Variants in CACNA1E observed in about 807,000 individuals in gnomAD.
CACNA1E encodes calcium voltage-gated channel subunit alpha1 E.
Under a neutral mutation model 259.2 loss-of-function variants are expected in CACNA1E, and 40 were observed. The observed-to-expected ratio is 0.15, with a 90% CI of 0.12 to 0.20. The LOEUF (loss-of-function observed/expected upper bound fraction) is 0.20, where lower values mean the gene tolerates loss of function less well. Ranked by LOEUF, CACNA1E falls within the 10% of genes least tolerant of loss-of-function variation. The pLI, the probability that CACNA1E is intolerant of heterozygous loss-of-function variation, is 1.00. For missense variants in CACNA1E, 1,874 were observed against 3,040.1 expected (o/e 0.62, Z 9.02); for synonymous variants, 1,104 against 1,138.5 (o/e 0.97, Z 0.61).
At chr1:181,686,989 T>C (rs1474132512) in intron 7 of CACNA1E, among the ~76,000 whole-genome samples, 3 of 152,188 alleles carry the variant, frequency 2.0e-5, no homozygotes, top group Admixed American at 6.5e-5. Flanking sequence ...TCTGTAGATA[T>C]TGTCTTTTGT....
rs116143573 is a variant in CACNA1E, at chr1:181,541,735, A to G, written c.512+30225A>G. ...TTGAGTCACACATTCTTCAAGGAGT[A>G]TTAGAGATCTTGTTTCTTCGTATAA... On this transcript the variant is annotated intron_variant, in intron 3 of 47. Transcript: ENST00000367573. Among the ~76,000 whole-genome samples the G allele has an allele frequency of 6.4e-3, 977 of 152,324 alleles. 15 individuals carry two copies. The highest frequency in any genetic ancestry group is 0.023 in the African/African-American group (939 of 41,574).
At chr1:181,602,436 A>G (rs1381325454) in intron 6 of CACNA1E, among the ~76,000 whole-genome samples, 2 of 152,150 alleles carry the variant, frequency 1.3e-5, no homozygotes, top group Non-Finnish European at 2.9e-5. Context: ...AAATGCTCCA[A>G]TGAGCATTTC....
intron 3 of CACNA1E, among the ~76,000 whole-genome samples, chr1:181,552,141 A>G (rs541521229): frequency 6.6e-6 from 1 of 152,200 alleles, no homozygotes; most frequent in Non-Finnish European, 1.5e-5. Flanking sequence ...AATGAACCAC[A>G]GTACTCGACT....
intron 1 of CACNA1E, 74 bp downstream of exon 1, chr1:181,484,084 G>A: frequency 7.0e-7 from 1 of 1,426,504 alleles, no homozygotes; most frequent in East Asian, 2.3e-5. Context: ...ACCTAGCATG[G>A]AATGTATCCC....
intron 1 of CACNA1E, among the ~76,000 whole-genome samples, chr1:181,492,809 T>G (rs1664430686): frequency 6.6e-6 from 1 of 152,242 alleles, no homozygotes; most frequent in Non-Finnish European, 1.5e-5. Flanking sequence ...TGCTCTTTTT[T>G]ACTCCCACTT....
At chr1:181,578,118 G>C (rs1466973853) in intron 4 of CACNA1E, among the ~76,000 whole-genome samples, 2 of 152,056 alleles carry the variant, frequency 1.3e-5, no homozygotes, top group Non-Finnish European at 2.9e-5. Flanking sequence ...AAAGAAAAGT[G>C]CTCTTTATCT....
chr1:181,567,614 A>G (rs909525481), intron 3 of CACNA1E, among the ~76,000 whole-genome samples: 14 of 152,206 alleles, frequency 9.2e-5, no homozygotes, highest in African/African-American at 3.4e-4. Context: ...TTCAGGTAGC[A>G]TAAGAGGGAA....
chr1:181,382,868 C>T (rs2102002764), intron 1 of CACNA1E, among the ~76,000 whole-genome samples: 1 of 152,180 alleles, frequency 6.6e-6, no homozygotes, highest in East Asian at 1.9e-4. Flanking sequence ...AATGGTGGTT[C>T]CTGTGTTGTA....
chr1:181,417,721 C>T (rs1658377888), intron 2 of CACNA1E, among the ~76,000 whole-genome samples: 1 of 152,196 alleles, frequency 6.6e-6, no homozygotes, highest in African/African-American at 2.4e-5. Context: ...ACTCTCAAAT[C>T]CCATCATTTC....
intron 1 of CACNA1E, among the ~76,000 whole-genome samples, chr1:181,358,756 A>G (rs1653640410): frequency 6.6e-6 from 1 of 152,240 alleles, no homozygotes; most frequent in African/African-American, 2.4e-5. Flanking sequence ...GCAGGCTTCT[A>G]TAAACTGTCC....
intron 1 of CACNA1E, among the ~76,000 whole-genome samples, chr1:181,502,534 G>T (rs975001347): frequency 5.9e-5 from 9 of 152,188 alleles, no homozygotes; most frequent in Admixed American, 5.9e-4. Flanking sequence ...CACCTGGGCA[G>T]GGTGGAGCGG....
At chr1:181,498,298 GA>G (rs1437910648) in intron 1 of CACNA1E, among the ~76,000 whole-genome samples, 1 of 152,194 alleles carries the variant, frequency 6.6e-6, no homozygotes, top group African/African-American at 2.4e-5. Flanking sequence ...TAGGTTTGTG[GA>G]AAAGGGCAGC....
chr1:181,502,526 C>T (rs1443222173), intron 1 of CACNA1E, among the ~76,000 whole-genome samples: 2 of 152,100 alleles, frequency 1.3e-5, no homozygotes, highest in Non-Finnish European at 2.9e-5. Flanking sequence ...GGCCCTCTCA[C>T]CTGGGCAGGG....
In CACNA1E at chr1:181,704,850, C is replaced by A. The variant is rs139353439; in HGVS notation, c.1056-6104C>A. On this transcript the variant is annotated intron_variant, in intron 7 of 47. Transcript: ENST00000367573. ...GCTAAAACATGAGTCAAGCAGTCCTCCAACCGAGGCTTTCTTACCCCAGCC... is the reference window on the plus strand; with the variant it reads ...GCTAAAACATGAGTCAAGCAGTCCTACAACCGAGGCTTTCTTACCCCAGCC... 2.3e-3 allele frequency among the ~76,000 whole-genome samples: 345 copies of A among 152,206 alleles called. 1 individual carries two copies. Among genetic ancestry groups the A allele is most frequent in the African/African-American group, 7.9e-3 (327 of 41,540 alleles).
intron 6 of CACNA1E, among the ~76,000 whole-genome samples, chr1:181,602,418 G>A (rs1653833539): frequency 6.6e-6 from 1 of 152,120 alleles, no homozygotes; most frequent in African/African-American, 2.4e-5. Flanking sequence ...CCAAAAATGT[G>A]AAATCTGAAA....
At chr1:181,739,477 AG>A (rs1275014692) in intron 25 of CACNA1E, among the ~76,000 whole-genome samples, 1 of 152,192 alleles carries the variant, frequency 6.6e-6, no homozygotes, top group African/African-American at 2.4e-5. Flanking sequence ...AGGGAGCGTC[AG>A]GAGGGAGAAG....
intron 18 of CACNA1E, among the ~76,000 whole-genome samples, chr1:181,729,948 C>T (rs1161475287): frequency 6.6e-6 from 1 of 152,228 alleles, no homozygotes; most frequent in Non-Finnish European, 1.5e-5. Context: ...CCCGCCCCCA[C>T]CTGTGCCTTG....
At position 181,417,242 on chromosome 1, in the gene CACNA1E, C is replaced by A. The variant is rs188733336; in HGVS notation, c.434+3662C>A. Among the ~76,000 whole-genome samples the A allele has an allele frequency of 3.6e-3, 547 of 152,236 alleles. 5 individuals carry two copies. Among genetic ancestry groups the A allele is most frequent in the African/African-American group, 0.012 (508 of 41,532 alleles). ...CCATTTCCCATCTTATCAAACTGAACTCCATCATAAGCACCAAACATATTT... is the reference window on the plus strand; with the variant it reads ...CCATTTCCCATCTTATCAAACTGAAATCCATCATAAGCACCAAACATATTT... On this transcript the variant is annotated intron_variant, in intron 2 of 11. Transcript: ENST00000524607.
At chr1:181,711,138 C>A in intron 8 of CACNA1E, 69 bp downstream of exon 8, 1 of 1,033,882 alleles carries the variant, frequency 9.7e-7, no homozygotes, top group Non-Finnish European at 1.5e-6. Flanking sequence ...CCCTCACTCC[C>A]AATGCTCCCA....
Sources: gnomAD v4.1 joint callset for allele counts (sites outside exome capture counted in the v4.1 genomes callset) on GRCh38, gnomAD v4.1.1 for gene constraint, MANE v1.5 for transcripts, NCBI Gene and HGNC (gene_info 2026-07-23, HGNC 2026-07-21) for gene names.